SLC5A8: variants seen among roughly 807,000 people sequenced by gnomAD.
The protein encoded by SLC5A8 is solute carrier family 5 member 8, also known as sodium-coupled monocarboxylate transporter 1.
SLC5A8 carries 55 observed loss-of-function variants against 71.9 expected under a neutral mutation model. That is an observed-to-expected ratio of 0.77 (90% CI 0.62 to 0.96). SLC5A8 has a LOEUF of 0.96. Among genes scored for constraint, SLC5A8 ranks in the 40% least tolerant of loss-of-function variants. The probability of loss-of-function intolerance (pLI) is 0.00; values close to 1 mark genes in which losing one functional copy is unlikely to be tolerated. For missense variants in SLC5A8, 701 were observed against 745.3 expected (o/e 0.94, Z 0.69); for synonymous variants, 307 against 276.1 (o/e 1.11, Z -1.11).
intron 12 of SLC5A8, among the ~76,000 whole-genome samples, chr12:101,165,426 T>A (rs1405819747): frequency 6.6e-6 from 1 of 152,172 alleles, no homozygotes; most frequent in African/African-American, 2.4e-5. Context: ...TTTCTGACTC[T>A]GATGACTCTC....
chr12:101,169,161 G>A (rs2051802917), intron 10 of SLC5A8, among the ~76,000 whole-genome samples: 2 of 152,140 alleles, frequency 1.3e-5, no homozygotes, highest in South Asian at 2.1e-4. Flanking sequence ...ACTGCAAGAC[G>A]TCATATGACC....
At chr12:101,167,816 G>A (rs886200721) in intron 11 of SLC5A8, among the ~76,000 whole-genome samples, 2 of 152,078 alleles carry the variant, frequency 1.3e-5, no homozygotes, top group Non-Finnish European at 2.9e-5. Flanking sequence ...TTTTGAGAAG[G>A]GCAAGTAGGT....
chr12:101,172,539 G>A (rs927079893), intron 10 of SLC5A8, among the ~76,000 whole-genome samples: 20 of 152,246 alleles, frequency 1.3e-4, no homozygotes, highest in Middle Eastern at 3.4e-3. Context: ...GCCTCATCCC[G>A]TGGGTGAGGG....
At chr12:101,163,911 G>T (rs191760531) in intron 12 of SLC5A8, among the ~76,000 whole-genome samples, 1 of 152,328 alleles carries the variant, frequency 6.6e-6, no homozygotes, top group Admixed American at 6.5e-5. Flanking sequence ...AGTTAACTGA[G>T]TATCCACATG....
intron 1 of SLC5A8, 117 bp from the exon 2 acceptor site, chr12:101,204,682 G>T: frequency 1.5e-6 from 1 of 668,182 alleles, no homozygotes; most frequent in Non-Finnish European, 2.5e-6. Flanking sequence ...TTTGTATTCT[G>T]TATTTTTATT....
chr12:101,156,825 T>A lies in SLC5A8; in HGVS notation c.*454A>T, dbSNP rs2051667064. Reference sequence around the variant, plus strand: ...CAACACAGACCTGTTACCTCATTGCTCCCTAAGAATGGTGTATGTGGTAGG... The same window carrying A: ...CAACACAGACCTGTTACCTCATTGCACCCTAAGAATGGTGTATGTGGTAGG... On this transcript the variant is annotated 3_prime_UTR_variant, in exon 15 of 15. Transcript: ENST00000536262. 6.3e-6 allele frequency: 1 copy of A among 159,428 alleles called. No homozygotes were observed. Among genetic ancestry groups the A allele is most frequent in the Non-Finnish European group, 1.4e-5 (1 of 72,264 alleles). The allele number at this position is 159,428 out of a possible 1,614,324, so 9.9% of individuals were successfully genotyped here.
In SLC5A8 at chr12:101,190,616, A is replaced by G; in HGVS notation, c.693-8T>C. 3 of 1,590,660 alleles carry G rather than the reference A, an allele frequency of 1.9e-6. No homozygotes were observed. The highest frequency in any genetic ancestry group is 1.9e-5 in the Admixed American group (1 of 52,840). Reference sequence around the variant, plus strand: ...AAAGGGTTAGGATTAAAACTAAATGACAAGAAACAGAAAACAAATCTGAAC... The same window carrying G: ...AAAGGGTTAGGATTAAAACTAAATGGCAAGAAACAGAAAACAAATCTGAAC... On this transcript the variant is annotated splice_region_variant and splice_polypyrimidine_tract_variant and intron_variant, in intron 5 of 14. Transcript: ENST00000536262.
Position 101,174,983 on chromosome 12 carries a change from A to G in SLC5A8, c.1233+5046T>C, listed in dbSNP as rs186137091. Among the ~76,000 whole-genome samples the G allele has an allele frequency of 2.4e-4, 36 of 152,316 alleles. No individual in the cohort carries two copies. In the East Asian group the frequency reaches 5.2e-3, roughly 22 times the overall value. On this transcript the variant is annotated intron_variant, in intron 10 of 14. Transcript: ENST00000536262. ...ATATAAAGATTACAGAAACAGAATT[A>G]TTTGATAAAAAATTTAAAACAGCCA...
chr12:101,171,284 C>T (rs1229230110), intron 10 of SLC5A8, among the ~76,000 whole-genome samples: 1 of 152,092 alleles, frequency 6.6e-6, no homozygotes, highest in Non-Finnish European at 1.5e-5. Flanking sequence ...GTTGGAAATC[C>T]CCGGCCAGGT....
At chr12:101,162,159 A>G (rs2051729647) in intron 12 of SLC5A8, 82 bp from the exon 13 acceptor site, 2 of 843,722 alleles carry the variant, frequency 2.4e-6, no homozygotes, top group African/African-American at 3.4e-5. Context: ...TCCCATGGCA[A>G]GGTCAAAATA....
chr12:101,158,642 T>C (rs2051697951), intron 13 of SLC5A8, among the ~76,000 whole-genome samples: 1 of 123,184 alleles, frequency 8.1e-6, no homozygotes, highest in African/African-American at 2.7e-5. Context: ...ATGTATCATA[T>C]ATATGTGTGT....
rs1013457963 is a variant in SLC5A8 at position 101,190,663 on chromosome 12, A to T, written c.693-55T>A. 3 of 1,512,746 alleles carry T rather than the reference A, an allele frequency of 2.0e-6. No individual in the cohort carries two copies. The East Asian group carries it at 7.3e-5, about 37-fold the overall frequency. The allele number at this position is 1,512,746 out of a possible 1,614,324, so 93.7% of individuals were successfully genotyped here. On this transcript the variant is annotated intron_variant, in intron 5 of 14. Coordinates refer to ENST00000536262, the MANE Select transcript of SLC5A8 (RefSeq NM_145913.5). ...GAACTATTAGCAGAGACTAAAAAAA[A>T]TTCTCTTAGACTATATTTGGAAGCA...
Position 101,187,476 on chromosome 12 carries a change from G to A in SLC5A8, c.873C>T (p.Leu291=), listed in dbSNP as rs938563783. 6.2e-7 allele frequency: 1 copy of A among 1,613,968 alleles called. No individual in the cohort carries two copies. Among genetic ancestry groups the A allele is most frequent in the African/African-American group, 1.3e-5 (1 of 75,028 alleles). Residue 291 remains leucine (L), a synonymous_variant, in exon 7 of 15, where the codon CTC becomes CTT. Transcript: ENST00000536262. ...CGAGCCCACAAAACACTGAGCATGT[G>A]AGGATTGCCCAGAGTCCCACAAGAT... The part of the protein sequence containing the change: ...YINLVGLWAI[L]TCSVFCGLAL...
chr12:101,184,575 A>G (rs1408124956), intron 7 of SLC5A8, among the ~76,000 whole-genome samples: 4 of 152,250 alleles, frequency 2.6e-5, no homozygotes, highest in African/African-American at 4.8e-5. Flanking sequence ...TATATGGAAT[A>G]TAATAAATGC....
rs376761991 is a variant in SLC5A8 at position 101,193,657 on chromosome 12, A to T, written c.660T>A (p.Asp220Glu). Reference sequence around the variant, plus strand: ...AATTTAATCTTCCACCATCATAGGCATCATTTAAAATAGTGCTGATTCCAC... The same window carrying T: ...AATTTAATCTTCCACCATCATAGGCTTCATTTAAAATAGTGCTGATTCCAC... Reference protein sequence around the residue: ...MQGGISTILNDAYDGGRLNFW... With the variant: ...MQGGISTILNEAYDGGRLNFW... The change falls in exon 5 of 15, where the codon GAT becomes GAA. Residue 220 changes from aspartate (D) to glutamate (E), a missense_variant. Transcript: ENST00000536262. 1.2e-5 allele frequency: 19 copies of T among 1,613,970 alleles called. No homozygotes were observed. Among genetic ancestry groups the T allele is most frequent in the Middle Eastern group, 1.6e-4 (1 of 6,082 alleles).
chr12:101,164,372 A>G (rs576738961), intron 12 of SLC5A8, among the ~76,000 whole-genome samples: 1 of 152,368 alleles, frequency 6.6e-6, no homozygotes, highest in South Asian at 2.1e-4. Context: ...ATTAATCTTA[A>G]GGGAAATACA....
chr12:101,166,369 TG>T (rs1566306820), intron 12 of SLC5A8, 124 bp downstream of exon 12: 3 of 691,124 alleles, frequency 4.3e-6, no homozygotes, highest in Non-Finnish European at 6.9e-6. Context: ...GCTAACCACA[TG>T]GGTTTTACTC....
At chr12:101,158,947 T>C (rs1416211825) in intron 13 of SLC5A8, among the ~76,000 whole-genome samples, 1 of 123,222 alleles carries the variant, frequency 8.1e-6, no homozygotes, top group African/African-American at 3.2e-5. Context: ...TAAGGTTTTC[T>C]TTACAAAAAA....
chr12:101,158,751 C>A (rs907422576), intron 13 of SLC5A8, among the ~76,000 whole-genome samples: 1 of 150,094 alleles, frequency 6.7e-6, no homozygotes, highest in Non-Finnish European at 1.5e-5. Flanking sequence ...TTTAAAAGCA[C>A]CCTCCATGCC....
Sources: allele counts gnomAD v4.1 joint callset (sites outside exome capture counted in the v4.1 genomes callset), GRCh38; gene constraint gnomAD v4.1.1; transcripts MANE v1.5; gene names NCBI Gene and HGNC (gene_info 2026-07-23, HGNC 2026-07-21).